The following GALNT17 variants were observed in gnomAD, a reference collection of about 807,000 sequenced individuals.
GALNT17 encodes UDP-GalNAc:polypeptide N-acetylgalactosaminyltransferase-like 3.
A neutral mutation model predicts 63.7 loss-of-function variants in GALNT17; 29 were observed. The observed-to-expected ratio is 0.46, with a 90% CI of 0.34 to 0.62. The LOEUF (loss-of-function observed/expected upper bound fraction) is 0.62. Ranked by LOEUF, GALNT17 falls within the 20% of genes least tolerant of loss-of-function variation. The probability of loss-of-function intolerance (pLI) is 0.01; values close to 1 mark genes in which losing one functional copy is unlikely to be tolerated. For synonymous variants in GALNT17, 305 were observed against 318.3 expected (o/e 0.96, Z 0.45); for missense variants, 603 against 799.6 (o/e 0.75, Z 2.97).
intron 5 of GALNT17, among the ~76,000 whole-genome samples, chr7:71,526,540 G>A (rs998067293): frequency 1.3e-5 from 2 of 151,704 alleles, no homozygotes; most frequent in African/African-American, 4.8e-5. Context: ...TTATTTTGGA[G>A]ACAGAGTCTC....
intron 5 of GALNT17, among the ~76,000 whole-genome samples, chr7:71,507,958 A>G (rs545404072): frequency 1.2e-3 from 177 of 152,342 alleles, no homozygotes; most frequent in Middle Eastern, 3.4e-3. Context: ...TATTTTCTGC[A>G]TTATTAGACA....
intron 1 of GALNT17, among the ~76,000 whole-genome samples, chr7:71,323,883 G>A (rs945581337): frequency 5.3e-5 from 8 of 152,190 alleles, no homozygotes; most frequent in African/African-American, 1.4e-4. Context: ...CAGTGCTCAC[G>A]CAAGTGAGCA....
chr7:71,144,958 G>C (rs1787989095), intron 1 of GALNT17, among the ~76,000 whole-genome samples: 1 of 152,150 alleles, frequency 6.6e-6, no homozygotes, highest in South Asian at 2.1e-4. Flanking sequence ...TTGATCTCCT[G>C]ACTTCGTGAT....
At position 71,677,233 on chromosome 7, in the gene GALNT17, A is replaced by G. The variant is rs1791164728; in HGVS notation, c.1427A>G (p.Asp476Gly). 1 of 1,614,000 alleles carries G rather than the reference A, an allele frequency of 6.2e-7. No homozygotes were observed. Among genetic ancestry groups the G allele is most frequent in the Non-Finnish European group, 8.5e-7 (1 of 1,179,942 alleles). Reference protein sequence around the residue: ...YGELRNNKAKDVCLDQGPLEN... With the variant: ...YGELRNNKAKGVCLDQGPLEN... Reference sequence around the variant, plus strand: ...CAGCTTCGCAACAACAAGGCAAAAGACGTCTGCTTGGACCAGGGGCCGCTG... The same window carrying G: ...CAGCTTCGCAACAACAAGGCAAAAGGCGTCTGCTTGGACCAGGGGCCGCTG... The change falls in exon 9 of 11, where the codon GAC (aspartate) becomes GGC (glycine). Residue 476 changes from aspartate (D) to glycine (G), a missense_variant. This residue lies in a region of GALNT17 where 336 missense variants were observed against 507.8 expected (regional missense o/e 0.66). Transcript: ENST00000333538.
chr7:71,453,827 A>G (rs1787308624), intron 5 of GALNT17, among the ~76,000 whole-genome samples: 1 of 152,136 alleles, frequency 6.6e-6, no homozygotes, highest in Non-Finnish European at 1.5e-5. Flanking sequence ...TCTCTGCACA[A>G]ATCCTCAGTG....
intron 8 of GALNT17, among the ~76,000 whole-genome samples, chr7:71,673,596 A>C (rs1791103643): frequency 6.6e-6 from 1 of 152,174 alleles, no homozygotes; most frequent in Non-Finnish European, 1.5e-5. Flanking sequence ...TACTTTCATC[A>C]TTAGAAGAAA....
At chr7:71,413,465 A>C (rs969526822) in intron 3 of GALNT17, among the ~76,000 whole-genome samples, 1 of 151,938 alleles carries the variant, frequency 6.6e-6, no homozygotes, top group African/African-American at 2.4e-5. Flanking sequence ...TCCCAGGTTC[A>C]AGCAATTCTC....
In GALNT17 at chr7:71,712,255, G is replaced by A. The variant is rs866881481; in HGVS notation, c.*109G>A. The A allele has an allele frequency of 1.9e-5, 28 of 1,474,732 alleles. No homozygotes were observed. Among genetic ancestry groups the A allele is most frequent in the Middle Eastern group, 2.5e-4 (1 of 3,952 alleles). 91.4% of individuals were successfully genotyped at this position (1,474,732 alleles called of 1,614,324 possible). Reference sequence around the variant, plus strand: ...GACAGCAAGGGGCCGGCAGGTGCTCGATGGGCCCCCCAGGGCTTCTCCAGG... The same window carrying A: ...GACAGCAAGGGGCCGGCAGGTGCTCAATGGGCCCCCCAGGGCTTCTCCAGG... On this transcript the variant is annotated 3_prime_UTR_variant, in exon 11 of 11. Coordinates refer to ENST00000333538, the MANE Select transcript of GALNT17 (RefSeq NM_022479.3).
rs181529952 is a variant in GALNT17, at chr7:71,497,707, G to A, written c.963-73578G>A. ...AGTGTGCTATTTTCCTGGAGCACATGCTGCGTGCAGCCTGCCAAGGTTCAT... is the reference window on the plus strand; with the variant it reads ...AGTGTGCTATTTTCCTGGAGCACATACTGCGTGCAGCCTGCCAAGGTTCAT... On this transcript the variant is annotated intron_variant, in intron 5 of 10. Coordinates refer to ENST00000333538, the MANE Select transcript of GALNT17 (RefSeq NM_022479.3). Among the ~76,000 whole-genome samples, 33 of 152,320 alleles carry A rather than the reference G, an allele frequency of 2.2e-4. 1 individual carries two copies. In the East Asian group the frequency reaches 6.0e-3, roughly 28 times the overall value.
Position 71,318,519 on chromosome 7 carries a change from A to G in GALNT17, c.239-17031A>G, listed in dbSNP as rs187673126. Among the ~76,000 whole-genome samples the G allele has an allele frequency of 4.0e-5, 6 of 150,228 alleles. No homozygotes were observed. The Admixed American group carries it at 4.0e-4, about 10-fold the overall frequency. Reference sequence around the variant, plus strand: ...ACTGCCACCACTGCCTCCTGGGTTCAAGCGACTCTCCTGCCTCAGCCTCCC... The same window carrying G: ...ACTGCCACCACTGCCTCCTGGGTTCGAGCGACTCTCCTGCCTCAGCCTCCC... On this transcript the variant is annotated intron_variant, in intron 1 of 10. Transcript: ENST00000333538.
chr7:71,541,568 A>G (rs1472867242), intron 5 of GALNT17, among the ~76,000 whole-genome samples: 1 of 152,036 alleles, frequency 6.6e-6, no homozygotes, highest in African/African-American at 2.4e-5. Flanking sequence ...AATAAACAAG[A>G]AGAGAAAAAA....
intron 6 of GALNT17, among the ~76,000 whole-genome samples, chr7:71,641,827 C>G (rs934480854): frequency 6.6e-6 from 1 of 152,094 alleles, no homozygotes; most frequent in Non-Finnish European, 1.5e-5. Context: ...CAAGTCTTAG[C>G]TGCTGTGGAT....
chr7:71,548,629 C>T (rs1789025862), intron 5 of GALNT17, among the ~76,000 whole-genome samples: 1 of 152,220 alleles, frequency 6.6e-6, no homozygotes, highest in African/African-American at 2.4e-5. Flanking sequence ...CATGTCTTTG[C>T]TCCTCCTTCA....
At chr7:71,160,908 C>T (rs779669989) in intron 1 of GALNT17, among the ~76,000 whole-genome samples, 3 of 152,108 alleles carry the variant, frequency 2.0e-5, no homozygotes, top group Non-Finnish European at 2.9e-5. Context: ...TGTGATGACT[C>T]GTAGCTCATT....
At chr7:71,437,887 A>AT (rs1272351926) in intron 5 of GALNT17, among the ~76,000 whole-genome samples, 2 of 151,970 alleles carry the variant, frequency 1.3e-5, no homozygotes, top group East Asian at 3.9e-4. Flanking sequence ...AATTATTTTT[A>AT]TTTTTTGTAG....
Position 71,425,655 on chromosome 7 carries a change from G to T in GALNT17, c.962+4550G>T, listed in dbSNP as rs115915171. 8.1e-4 allele frequency among the ~76,000 whole-genome samples: 123 copies of T among 152,138 alleles called. 2 individuals are homozygous for T. The highest frequency in any genetic ancestry group is 2.9e-3 in the African/African-American group (122 of 41,482). On this transcript the variant is annotated intron_variant, in intron 5 of 10. Transcript: ENST00000333538. ...CGTCTAGACTGCATTTGACCACCCG[G>T]CCCCCAGAACTTGATCTTGCCTTTA...
intron 5 of GALNT17, among the ~76,000 whole-genome samples, chr7:71,472,059 T>A (rs1185368323): frequency 2.0e-5 from 3 of 151,988 alleles, no homozygotes; most frequent in Non-Finnish European, 4.4e-5. Context: ...AAGTCCAACA[T>A]CAAGGTGCTG....
At chr7:71,366,054 T>A (rs1441931876) in intron 2 of GALNT17, among the ~76,000 whole-genome samples, 6 of 152,054 alleles carry the variant, frequency 3.9e-5, no homozygotes, top group Non-Finnish European at 8.8e-5. Flanking sequence ...CCTCGTATGC[T>A]CAGTTCACGA....
At chr7:71,557,195 A>C (rs1336407346) in intron 5 of GALNT17, among the ~76,000 whole-genome samples, 1 of 151,948 alleles carries the variant, frequency 6.6e-6, no homozygotes, top group Non-Finnish European at 1.5e-5. Context: ...TCTGGTATTA[A>C]TTACTTTCTT....
Sources: allele counts gnomAD v4.1 joint callset (sites outside exome capture counted in the v4.1 genomes callset), GRCh38; gene constraint gnomAD v4.1.1; regional missense constraint gnomAD v4.1.1; transcripts MANE v1.5; gene names NCBI Gene and HGNC (gene_info 2026-07-23, HGNC 2026-07-21).